DNAH9: variants seen among roughly 807,000 people sequenced by gnomAD.
DNAH9 encodes the protein dynein axonemal heavy chain 9, also known as DNAH9 variant protein.
In DNAH9, 345 loss-of-function variants were observed where a neutral mutation model predicts 471.6. That is an observed-to-expected ratio of 0.73 (90% CI 0.67 to 0.80). The LOEUF (loss-of-function observed/expected upper bound fraction) is 0.80, where lower values mean the gene tolerates loss of function less well. Among genes scored for constraint, DNAH9 ranks in the 30% least tolerant of loss-of-function variants. The probability of loss-of-function intolerance (pLI) is 0.00; values close to 1 mark genes in which losing one functional copy is unlikely to be tolerated. For synonymous variants in DNAH9, 2,093 were observed against 2,123.6 expected (o/e 0.99, Z 0.40); for missense variants, 5,407 against 5,609.2 (o/e 0.96, Z 1.15).
At chr17:11,930,765 C>CAAAAAAAA (rs11371438) in intron 63 of DNAH9, among the ~76,000 whole-genome samples, 22 of 125,176 alleles carry the variant, frequency 1.8e-4, no homozygotes, top group African/African-American at 2.8e-4. Flanking sequence ...ACTCCATCTC[C>CAAAAAAAA]AAAAAAAAAA....
intron 4 of DNAH9, chr17:11,611,983 G>A: frequency 3.2e-6 from 2 of 618,162 alleles, no homozygotes; most frequent in South Asian, 3.8e-5. Context: ...TTCCACTGCT[G>A]TATGGCCTGG....
chr17:11,844,622 G>T (rs961920341), intron 49 of DNAH9, among the ~76,000 whole-genome samples: 1 of 152,110 alleles, frequency 6.6e-6, no homozygotes, highest in Non-Finnish European at 1.5e-5. Context: ...GGCCAGGCTG[G>T]TCTCAAACTC....
intron 38 of DNAH9, among the ~76,000 whole-genome samples, chr17:11,770,022 G>A (rs1968137431): frequency 6.6e-6 from 1 of 152,208 alleles, no homozygotes; most frequent in African/African-American, 2.4e-5. Flanking sequence ...GCAGGGCTGG[G>A]GAGAAACCCT....
At chr17:11,717,769 C>G (rs2150799208) in intron 26 of DNAH9, among the ~76,000 whole-genome samples, 1 of 152,296 alleles carries the variant, frequency 6.6e-6, no homozygotes, top group South Asian at 2.1e-4. Context: ...TTCCTTCACC[C>G]TTTTTGCAAT....
chr17:11,631,894 C>T (rs1016098366), intron 7 of DNAH9, among the ~76,000 whole-genome samples: 7 of 151,484 alleles, frequency 4.6e-5, no homozygotes, highest in South Asian at 2.1e-4. Flanking sequence ...TAGAGATTGG[C>T]GTGACCAATG....
chr17:11,920,990 A>C (rs1465415663), intron 61 of DNAH9, among the ~76,000 whole-genome samples: 5 of 152,014 alleles, frequency 3.3e-5, no homozygotes, highest in African/African-American at 4.8e-5. Flanking sequence ...AAAATACAAA[A>C]ATTAGCCAGT....
At chr17:11,886,694 A>T in intron 56 of DNAH9, 131 bp from the exon 57 acceptor site, 2 of 1,155,942 alleles carry the variant, frequency 1.7e-6, no homozygotes, top group Non-Finnish European at 2.4e-6. Context: ...TCAACTTTCT[A>T]CCCATCATCC....
intron 22 of DNAH9, among the ~76,000 whole-genome samples, chr17:11,696,227 C>A (rs901278915): frequency 3.9e-5 from 6 of 152,192 alleles, no homozygotes; most frequent in African/African-American, 1.4e-4. Context: ...CAAAAGGTAG[C>A]ATGCTACGCC....
intron 67 of DNAH9, among the ~76,000 whole-genome samples, chr17:11,946,759 C>G (rs1365182575): frequency 1.3e-5 from 2 of 150,936 alleles, no homozygotes; most frequent in Non-Finnish European, 3.0e-5. Flanking sequence ...AAAAAAAATG[C>G]TTGCAAGCCG....
chr17:11,757,495 A>G lies in DNAH9; in HGVS notation c.6848-50A>G, dbSNP rs1230531704. On this transcript the variant is annotated intron_variant, in intron 34 of 68. Transcript: ENST00000262442. ...AAAATAACTCCCTGGGGTGAAAAATATAATGATGTATATGGAATATTCACT... is the reference window on the plus strand; with the variant it reads ...AAAATAACTCCCTGGGGTGAAAAATGTAATGATGTATATGGAATATTCACT... 5 of 1,498,610 alleles carry G rather than the reference A, an allele frequency of 3.3e-6. No homozygotes were observed. In the Admixed American group the frequency reaches 9.3e-5, roughly 28 times the overall value. 92.8% of individuals were successfully genotyped at this position (1,498,610 alleles called of 1,614,324 possible).
intron 61 of DNAH9, among the ~76,000 whole-genome samples, chr17:11,919,522 GAGGGATCCATT>G (rs1974067931): frequency 7.2e-6 from 1 of 138,142 alleles, no homozygotes; most frequent in African/African-American, 2.7e-5. Context: ...AAAAAAAAAA[GAGGGATCCATT>G]AGGAGACATA....
At chr17:11,848,267 C>G (rs1971294064) in intron 49 of DNAH9, among the ~76,000 whole-genome samples, 1 of 152,038 alleles carries the variant, frequency 6.6e-6, no homozygotes, top group South Asian at 2.1e-4. Context: ...CAAGAACAAA[C>G]AACTCACAAA....
chr17:11,899,604 A>C (rs1973336792), intron 59 of DNAH9, among the ~76,000 whole-genome samples: 1 of 152,236 alleles, frequency 6.6e-6, no homozygotes, highest in African/African-American at 2.4e-5. Flanking sequence ...TGTGTTTCAG[A>C]TCCAGCCCTG....
rs747340817 is a variant in DNAH9 at position 11,679,796 on chromosome 17, C to T, written c.3393C>T (p.Ser1131=). 2.5e-5 allele frequency: 40 copies of T among 1,613,856 alleles called. No individual in the cohort carries two copies. Among genetic ancestry groups the T allele is most frequent in the East Asian group, 4.5e-5 (2 of 44,878 alleles). Reference sequence around the variant, plus strand: ...ATGCGTTTATAAAGAAGAGTGAGAGCGGCTTACTCAAGAAAGTTGAAAAAG... The same window carrying T: ...ATGCGTTTATAAAGAAGAGTGAGAGTGGCTTACTCAAGAAAGTTGAAAAAG... ...NLDAFIKKSE[S]GLLKKVEKGD... The change falls in exon 18 of 69, where the codon AGC becomes AGT. Residue 1131 remains serine (S), a synonymous_variant. Transcript: ENST00000262442.
chr17:11,629,088 TTTTTTTTTTTACTTC>T (rs1160010674), intron 6 of DNAH9, among the ~76,000 whole-genome samples: 1 of 73,608 alleles, frequency 1.4e-5, no homozygotes, highest in Non-Finnish European at 2.8e-5. Context: ...TTTTAACTCT[TTTTTTTTTTTACTTC>T]TTTTTTTTTT....
intron 67 of DNAH9, among the ~76,000 whole-genome samples, chr17:11,959,252 T>C (rs1344901805): frequency 6.6e-6 from 1 of 152,218 alleles, no homozygotes; most frequent in African/African-American, 2.4e-5. Context: ...GCCATGAATG[T>C]CCTTCATAAC....
At position 11,905,802 on chromosome 17, in the gene DNAH9, A is replaced by C. The variant is rs1190877624; in HGVS notation, c.11742A>C (p.Glu3914Asp). The C allele has an allele frequency of 6.2e-7, 1 of 1,605,684 alleles. No homozygotes were observed. Among genetic ancestry groups the C allele is most frequent in the Non-Finnish European group, 8.5e-7 (1 of 1,175,146 alleles). ...SPGVDPLKDV[E>D]SQGRKLGYTF... ...GGGTGGACCCACTGAAGGATGTAGA[A>C]AGTCAAGGTGAGAAAGGCGTCCTCT... Residue 3914 changes from glutamate to aspartate, a missense_variant, in exon 61 of 69, where the codon GAA becomes GAC. Coordinates refer to ENST00000262442, the MANE Select transcript of DNAH9 (RefSeq NM_001372.4).
rs117638079 is a variant in DNAH9, at chr17:11,692,921, G to A, written c.4615-947G>A. ...TATTATTGTTACTTTTGTTATTGTCGTTGAGATGGAGTCTCGCTTTGTCAC... is the reference window on the plus strand; with the variant it reads ...TATTATTGTTACTTTTGTTATTGTCATTGAGATGGAGTCTCGCTTTGTCAC... On this transcript the variant is annotated intron_variant, in intron 20 of 68. Transcript: ENST00000262442. Among the ~76,000 whole-genome samples the A allele has an allele frequency of 3.9e-3, 599 of 152,008 alleles. 1 individual carries two copies. The highest frequency in any genetic ancestry group is 6.3e-3 in the Non-Finnish European group (425 of 67,982).
At chr17:11,829,925 A>C (rs1311843918) in intron 48 of DNAH9, among the ~76,000 whole-genome samples, 1 of 152,240 alleles carries the variant, frequency 6.6e-6, no homozygotes, top group Non-Finnish European at 1.5e-5. Flanking sequence ...TTGCATTGTG[A>C]CATAGTCACA....
Sources: gnomAD v4.1 joint callset for allele counts (sites outside exome capture counted in the v4.1 genomes callset) on GRCh38, gnomAD v4.1.1 for gene constraint, MANE v1.5 for transcripts, NCBI Gene and HGNC (gene_info 2026-07-23, HGNC 2026-07-21) for gene names.